Variants in TLE2 observed in about 807,000 individuals in gnomAD.
TLE2 encodes the protein TLE family member 2, transcriptional corepressor, also known as transducin-like enhancer protein 2.
In TLE2, 74 loss-of-function variants were observed where a neutral mutation model predicts 97.2. The observed-to-expected ratio is 0.76, with a 90% confidence interval of 0.63 to 0.92. TLE2 has a LOEUF of 0.92. TLE2 is among the 40% of genes least tolerant of loss of function. TLE2 has a pLI of 0.00. For missense variants in TLE2, 1,038 were observed against 1,008.7 expected (o/e 1.03, Z -0.39); for synonymous variants, 499 against 432.1 (o/e 1.15, Z -1.92).
intron 18 of TLE2, 146 bp downstream of exon 18, chr19:3,002,207 T>C (rs1390934696): frequency 2.0e-6 from 2 of 1,005,590 alleles, no homozygotes; most frequent in Non-Finnish European, 2.8e-6. Flanking sequence ...ATTTGGGATA[T>C]ACTTGTACTA....
At chr19:3,001,953 A>G (rs755667510) in intron 18 of TLE2, among the ~76,000 whole-genome samples, 2 of 151,266 alleles carry the variant, frequency 1.3e-5, no homozygotes, top group Non-Finnish European at 2.9e-5. Context: ...GCCCACCACC[A>G]CGCCTGGCTA....
chr19:3,004,831 T>C (rs2089439992), intron 17 of TLE2, among the ~76,000 whole-genome samples: 1 of 152,006 alleles, frequency 6.6e-6, no homozygotes, highest in African/African-American at 2.4e-5. Context: ...ATGGAAACCC[T>C]GAATGACAGA....
chr19:3,040,941 G>A (rs1051612882), intron 1 of TLE2, among the ~76,000 whole-genome samples: 23 of 139,160 alleles, frequency 1.7e-4, no homozygotes, highest in African/African-American at 6.0e-4. Flanking sequence ...AAGGGGCATG[G>A]TACTGTCACC....
At chr19:3,007,854 G>A (rs1485685079) in intron 14 of TLE2, among the ~76,000 whole-genome samples, 3 of 152,138 alleles carry the variant, frequency 2.0e-5, no homozygotes, top group Non-Finnish European at 4.4e-5. Flanking sequence ...AGAGGCCAAG[G>A]TGGGTGGATC....
chr19:2,999,229 C>T (rs982451786), intron 19 of TLE2, among the ~76,000 whole-genome samples: 1 of 151,944 alleles, frequency 6.6e-6, no homozygotes, highest in African/African-American at 2.4e-5. Flanking sequence ...CTGCAGTGAG[C>T]TGAGATTGCG....
At chr19:3,003,501 G>A (rs1361265937) in intron 17 of TLE2, among the ~76,000 whole-genome samples, 1 of 152,022 alleles carries the variant, frequency 6.6e-6, no homozygotes, top group Non-Finnish European at 1.5e-5. Flanking sequence ...AGCTGGGCGT[G>A]GCTGCAGGCA....
At chr19:3,030,366 C>T (rs376342046), upstream of TLE2, among the ~76,000 whole-genome samples, 2 of 152,200 alleles carry the variant, frequency 1.3e-5, no homozygotes, top group East Asian at 3.9e-4. Context: ...TCCTTCAGGC[C>T]CACCCGGGGA....
At position 3,005,921 on chromosome 19, in the gene TLE2, C is replaced by G. The variant is rs1422021644; in HGVS notation, c.1548G>C (p.Arg516=). ...TGGCCTCACCGCCCACGATCAGACT[C>G]CGGCCATCCGGCAGCAACTTGCAGG... is the stretch of plus-strand genomic sequence containing the variant. ...IRSCKLLPDG[R]SLIVGGEAST... The change falls in exon 16 of 20, where the codon CGG becomes CGC. Residue 516 remains arginine, a synonymous_variant. Transcript: ENST00000262953. 6.2e-7 allele frequency: 1 copy of G among 1,611,750 alleles called. No homozygotes were observed.
At chr19:3,041,402 C>T (rs1020889845) in intron 1 of TLE2, among the ~76,000 whole-genome samples, 2 of 152,152 alleles carry the variant, frequency 1.3e-5, no homozygotes, top group Non-Finnish European at 2.9e-5. Flanking sequence ...TGAGAGCTTG[C>T]CCTGTGATGG....
upstream of TLE2, among the ~76,000 whole-genome samples, chr19:3,031,581 C>T (rs898545395): frequency 6.6e-6 from 1 of 151,954 alleles, no homozygotes; most frequent in Non-Finnish European, 1.5e-5. Flanking sequence ...CCTCCCACCT[C>T]GGCCTCCCAA....
In TLE2 at chr19:3,011,178, G is replaced by A; in HGVS notation, c.874-18C>T. The A allele has an allele frequency of 6.4e-7, 1 of 1,561,014 alleles. No individual in the cohort carries two copies. The highest frequency in any genetic ancestry group is 8.7e-7 in the Non-Finnish European group (1 of 1,153,814). On this transcript the variant is annotated intron_variant, in intron 11 of 19. Coordinates refer to ENST00000262953, the MANE Select transcript of TLE2 (RefSeq NM_003260.5). ...AGGTCATTCTGCAGAGAAAGGGCAG[G>A]ACTGAAGGCCACCAGGCACCTGGTG...
At chr19:2,998,441 C>T (rs758141381) in intron 19 of TLE2, among the ~76,000 whole-genome samples, 7 of 151,148 alleles carry the variant, frequency 4.6e-5, no homozygotes, top group Non-Finnish European at 7.4e-5. Context: ...CCATGCCTGG[C>T]TAATTTTTGT....
rs767468347 is a variant in TLE2 at position 3,014,595 on chromosome 19, C to T, written c.698G>A (p.Ser233Asn). Reference protein sequence around the residue: ...SGPYESDEDKSDYNLVVDEDQ... With the variant: ...SGPYESDEDKNDYNLVVDEDQ... ...CTCGTCCACCACCAGATTGTAATCA[C>T]TCTTGTCTTCGTCGCTTTCCTGGGG... The change falls in exon 10 of 20, where the codon AGT becomes AAT. Residue 233 changes from serine (S) to asparagine (N), a missense_variant. Transcript: ENST00000262953. 1 of 1,590,148 alleles carries T rather than the reference C, an allele frequency of 6.3e-7. No individual in the cohort carries two copies. The highest frequency in any genetic ancestry group is 1.7e-5 in the Admixed American group (1 of 57,352).
In TLE2 at chr19:3,019,839, G is replaced by A. The variant is rs999802785; in HGVS notation, c.295-66C>T. ...CCTGCTCATGCTAGCGGTGCCCTTG[G>A]GGACCTGACCTCTCCCCGCCACCCT... On this transcript the variant is annotated intron_variant, in intron 5 of 19. Coordinates refer to ENST00000262953, the MANE Select transcript of TLE2 (RefSeq NM_003260.5). This position sits in a 1 kb window ranked among gnomAD's most constrained non-coding sequence, Gnocchi z 5.1. 11 of 1,553,882 alleles carry A rather than the reference G, an allele frequency of 7.1e-6. No homozygotes were observed. In the East Asian group the frequency reaches 1.7e-4, roughly 24 times the overall value.
At chr19:3,038,624 A>C (rs965742976) in intron 1 of TLE2, among the ~76,000 whole-genome samples, 2 of 152,180 alleles carry the variant, frequency 1.3e-5, no homozygotes, top group African/African-American at 4.8e-5. Flanking sequence ...AATGTGAATC[A>C]GGGCTGGGCG....
chr19:3,017,790 C>T (rs370670839), intron 8 of TLE2, 50 bp downstream of exon 8: 43 of 1,588,702 alleles, frequency 2.7e-5, no homozygotes, highest in African/African-American at 1.9e-4. Context: ...TCAGAACCAG[C>T]GTTGGCCTCC....
rs1301848375 is a variant in TLE2 at position 3,017,705 on chromosome 19, G to A, written c.570+135C>T. On this transcript the variant is annotated intron_variant, in intron 8 of 19. Coordinates refer to ENST00000262953, the MANE Select transcript of TLE2 (RefSeq NM_003260.5). ...GGCCTCAAATGATTCTCCTACCTCT[G>A]CCTACCAAAGTGCTGGGATCAAAGG... 5 of 720,368 alleles carry A rather than the reference G, an allele frequency of 6.9e-6. No individual in the cohort carries two copies. The Admixed American group carries it at 1.6e-4, about 23-fold the overall frequency. The allele number at this position is 720,368 out of a possible 1,614,324, so 44.6% of individuals were successfully genotyped here. A position where few individuals can be genotyped will look rare whatever the true frequency, so the allele number is the denominator to read the frequency against.
chr19:3,034,173 C>G (rs1483786066), upstream of TLE2, among the ~76,000 whole-genome samples: 1 of 152,022 alleles, frequency 6.6e-6, no homozygotes, highest in Non-Finnish European at 1.5e-5. Flanking sequence ...CCCTAGCCCT[C>G]TATTCCCAAC....
chr19:3,033,841 C>A (rs1436494126), upstream of TLE2, among the ~76,000 whole-genome samples: 1 of 151,894 alleles, frequency 6.6e-6, no homozygotes, highest in Non-Finnish European at 1.5e-5. Flanking sequence ...CCAACCCCCA[C>A]CCCCCATCTC....
Sources: allele counts gnomAD v4.1 joint callset (sites outside exome capture counted in the v4.1 genomes callset), GRCh38; gene constraint gnomAD v4.1.1; non-coding constraint Gnocchi (gnomAD v3.1); transcripts MANE v1.5; gene names NCBI Gene and HGNC (gene_info 2026-07-23, HGNC 2026-07-21).